The following CACNA1E variants were observed in gnomAD, a reference collection of about 807,000 sequenced individuals.
CACNA1E encodes voltage-dependent R-type calcium channel subunit alpha-1E.
A neutral mutation model predicts 259.2 loss-of-function variants in CACNA1E; 40 were observed. That is an observed-to-expected ratio of 0.15 (90% CI 0.12 to 0.20). The LOEUF (loss-of-function observed/expected upper bound fraction) is 0.20. Among genes scored for constraint, CACNA1E ranks in the 10% least tolerant of loss-of-function variants. The pLI is 1.00. For missense variants in CACNA1E, 1,874 were observed against 3,040.1 expected, an observed-to-expected ratio of 0.62 and a Z score of 9.02; for synonymous variants, 1,104 against 1,138.5, an observed-to-expected ratio of 0.97 and a Z score of 0.61.
At chr1:181,479,136 TGGGA>T (rs1047796090), upstream of CACNA1E, among the ~76,000 whole-genome samples, 1 of 152,154 alleles carries the variant, frequency 6.6e-6, no homozygotes, top group African/African-American at 2.4e-5. Context: ...CATCTTAACT[TGGGA>T]GGGTGTGTGT....
rs918596522 is a variant in CACNA1E at position 181,510,416 on chromosome 1, C to T, written c.267-61C>T. ...TGATAGAGTTGTGTGTTTATGGGCA[C>T]GGCCATCTTGGAGGCTGTGTCCCTC... is the stretch of plus-strand genomic sequence containing the variant. On this transcript the variant is annotated intron_variant, in intron 1 of 47. Transcript: ENST00000367573. 72 of 1,106,580 alleles carry T rather than the reference C, an allele frequency of 6.5e-5. No individual in the cohort carries two copies. In the Middle Eastern group the frequency reaches 7.8e-4, roughly 12 times the overall value. The allele number at this position is 1,106,580 out of a possible 1,614,324, so 68.5% of individuals were successfully genotyped here. A position where few individuals can be genotyped will look rare whatever the true frequency, so the allele number is the denominator to read the frequency against.
chr1:181,697,741 A>G (rs1051262531), intron 7 of CACNA1E, among the ~76,000 whole-genome samples: 8 of 152,258 alleles, frequency 5.3e-5, no homozygotes, highest in Non-Finnish European at 1.0e-4. Context: ...CTGTAAAATT[A>G]TTGTAGAAGT....
intron 3 of CACNA1E, among the ~76,000 whole-genome samples, chr1:181,570,507 G>A (rs763731993): frequency 6.6e-5 from 10 of 152,172 alleles, no homozygotes; most frequent in African/African-American, 2.2e-4. Flanking sequence ...AAAGCAACAC[G>A]TGTATTTTCT....
intron 3 of CACNA1E, among the ~76,000 whole-genome samples, chr1:181,566,110 C>A (rs1377850252): frequency 6.6e-6 from 1 of 152,198 alleles, no homozygotes; most frequent in East Asian, 1.9e-4. Context: ...AGAGGCAACT[C>A]TGGTTGTCCT....
chr1:181,766,997 AAAG>A (rs1488919280), intron 35 of CACNA1E, among the ~76,000 whole-genome samples: 5 of 152,190 alleles, frequency 3.3e-5, no homozygotes, highest in Admixed American at 1.3e-4. Flanking sequence ...ACTTGGCCTA[AAAG>A]AAGGTCAGAT....
intron 7 of CACNA1E, among the ~76,000 whole-genome samples, chr1:181,680,834 C>T (rs1035719326): frequency 2.6e-5 from 4 of 152,170 alleles, no homozygotes; most frequent in Non-Finnish European, 5.9e-5. Context: ...ATGTGTCTGA[C>T]CACTCCCTCC....
intron 2 of CACNA1E, among the ~76,000 whole-genome samples, chr1:181,428,124 A>G (rs780227189): frequency 6.6e-6 from 1 of 152,112 alleles, no homozygotes; most frequent in Non-Finnish European, 1.5e-5. Context: ...GGGACTGTGG[A>G]CAAGTCTTTC....
At chr1:181,633,774 G>T (rs1656961717) in intron 6 of CACNA1E, among the ~76,000 whole-genome samples, 1 of 152,212 alleles carries the variant, frequency 6.6e-6, no homozygotes, top group Non-Finnish European at 1.5e-5. Flanking sequence ...TTACAGGCAT[G>T]AGTCATTGTG....
chr1:181,555,248 AAG>A (rs1375395677), intron 3 of CACNA1E, among the ~76,000 whole-genome samples: 1 of 152,206 alleles, frequency 6.6e-6, no homozygotes, highest in Non-Finnish European at 1.5e-5. Context: ...TAGACCCAGA[AAG>A]GGGTATACCT....
chr1:181,566,930 G>T (rs566006377), intron 3 of CACNA1E, among the ~76,000 whole-genome samples: 1 of 152,192 alleles, frequency 6.6e-6, no homozygotes, highest in Non-Finnish European at 1.5e-5. Flanking sequence ...GTTGGCAGGA[G>T]GGGTTGCCAC....
intron 1 of CACNA1E, 91 bp from the exon 2 acceptor site, chr1:181,510,386 C>T (rs982111134): frequency 2.6e-5 from 21 of 806,098 alleles, no homozygotes; most frequent in South Asian, 1.0e-4. Flanking sequence ...AGACACAATG[C>T]GGGTTGATAG....
At chr1:181,426,922 T>C (rs978244763) in intron 2 of CACNA1E, among the ~76,000 whole-genome samples, 12 of 143,998 alleles carry the variant, frequency 8.3e-5, no homozygotes, top group Non-Finnish European at 4.6e-5. Context: ...TCTCAACCCT[T>C]CACAGCTCAA....
At chr1:181,578,428 A>G (rs1392428729) in intron 4 of CACNA1E, among the ~76,000 whole-genome samples, 6 of 152,132 alleles carry the variant, frequency 3.9e-5, no homozygotes, top group South Asian at 2.1e-4. Context: ...GTAGCTGAGC[A>G]TGGCAGCTCA....
At chr1:181,716,979 T>C in intron 10 of CACNA1E, 114 bp from the exon 11 acceptor site, 1 of 784,252 alleles carries the variant, frequency 1.3e-6, no homozygotes, top group Admixed American at 2.0e-5. Flanking sequence ...ACACCTGCAA[T>C]GTGGCAGTCA....
At chr1:181,596,557 CGTGTGTGTGTGTGTGTGTGT>C (rs60302499) in intron 6 of CACNA1E, among the ~76,000 whole-genome samples, 1 of 140,490 alleles carries the variant, frequency 7.1e-6, no homozygotes, top group Non-Finnish European at 1.5e-5. Flanking sequence ...CCACCATGTA[CGTGTGTGTGTGTGTGTGTGT>C]GTGTGTGTGT....
chr1:181,362,147 G>A (rs1173035405), intron 1 of CACNA1E, among the ~76,000 whole-genome samples: 1 of 152,178 alleles, frequency 6.6e-6, no homozygotes, highest in Non-Finnish European at 1.5e-5. Flanking sequence ...AGCAACTTCT[G>A]ATCCAGCTGT....
intron 7 of CACNA1E, among the ~76,000 whole-genome samples, chr1:181,658,474 C>T (rs192646901): frequency 3.9e-4 from 59 of 152,330 alleles, no homozygotes; most frequent in African/African-American, 1.4e-3. Flanking sequence ...CAATAGCTCT[C>T]TCATATACAA....
At chr1:181,708,706 C>T (rs766115392) in intron 7 of CACNA1E, among the ~76,000 whole-genome samples, 8 of 152,208 alleles carry the variant, frequency 5.3e-5, no homozygotes, top group Non-Finnish European at 1.2e-4. Flanking sequence ...CTAATCTTGG[C>T]TCTGTTTCTT....
intron 1 of CACNA1E, among the ~76,000 whole-genome samples, chr1:181,329,060 T>C (rs1651019687): frequency 6.6e-6 from 1 of 150,696 alleles, no homozygotes; most frequent in Non-Finnish European, 1.5e-5. Context: ...CCTCCAAATC[T>C]GTTTTTCCTC....
Sources: gnomAD v4.1 joint callset for allele counts (sites outside exome capture counted in the v4.1 genomes callset) on GRCh38, gnomAD v4.1.1 for gene constraint, MANE v1.5 for transcripts, NCBI Gene and HGNC (gene_info 2026-07-23, HGNC 2026-07-21) for gene names.